EPM2A: variants seen among roughly 807,000 people sequenced by gnomAD.
EPM2A encodes the protein laforin.
Under a neutral mutation model 26.5 loss-of-function variants are expected in EPM2A, and 21 were observed. The ratio of observed to expected loss-of-function variants is 0.79; its 90% confidence interval spans 0.56 to 1.14. The LOEUF (loss-of-function observed/expected upper bound fraction) is 1.14, where lower values mean the gene tolerates loss of function less well. Ranked by LOEUF, EPM2A falls within the 50% of genes most tolerant of loss-of-function variation. The pLI is 0.00. For missense variants in EPM2A, 458 were observed against 440.8 expected, an observed-to-expected ratio of 1.04 and a Z score of -0.35; for synonymous variants, 217 against 177.6, an observed-to-expected ratio of 1.22 and a Z score of -1.76.
chr6:145,523,597 AC>A (rs1373097935), intron 2 of EPM2A, among the ~76,000 whole-genome samples: 1 of 152,180 alleles, frequency 6.6e-6, no homozygotes, highest in African/African-American at 2.4e-5. Context: ...CATAAGACAT[AC>A]ATACATGTGT....
At chr6:145,510,582 G>A (rs1780042088) in intron 2 of EPM2A, among the ~76,000 whole-genome samples, 1 of 152,012 alleles carries the variant, frequency 6.6e-6, no homozygotes, top group African/African-American at 2.4e-5. Context: ...TCTGGGACAC[G>A]ACAAAAACAG....
chr6:145,585,020 C>A (rs1474319030), intron 2 of EPM2A, among the ~76,000 whole-genome samples: 2 of 152,200 alleles, frequency 1.3e-5, no homozygotes, highest in African/African-American at 2.4e-5. Flanking sequence ...CCTTTCAGTA[C>A]ACTAAATATA....
intron 2 of EPM2A, among the ~76,000 whole-genome samples, chr6:145,541,881 A>T (rs1284724942): frequency 6.6e-6 from 1 of 152,160 alleles, no homozygotes; most frequent in Non-Finnish European, 1.5e-5. Context: ...ATAGCAGAAC[A>T]TTATACATTT....
intron 4 of EPM2A, among the ~76,000 whole-genome samples, chr6:145,412,234 T>G (rs1048868329): frequency 7.9e-6 from 1 of 126,960 alleles, no homozygotes; most frequent in Non-Finnish European, 1.7e-5. Flanking sequence ...AAAAAAAAAA[T>G]TCATCTTCAT....
At chr6:145,703,382 C>T (rs1236487194) in intron 1 of EPM2A, among the ~76,000 whole-genome samples, 3 of 152,174 alleles carry the variant, frequency 2.0e-5, no homozygotes, top group Admixed American at 2.0e-4. Context: ...TGAGCCACCA[C>T]ATGTGACCTT....
At chr6:145,638,820 T>C (rs898490712) in intron 2 of EPM2A, 2 of 152,060 alleles carry the variant, frequency 1.3e-5, no homozygotes, top group East Asian at 1.9e-4. Context: ...GTGCATCCTA[T>C]TTCAGTTTGT....
At chr6:145,695,218 T>C (rs545024389) in intron 1 of EPM2A, among the ~76,000 whole-genome samples, 1 of 152,096 alleles carries the variant, frequency 6.6e-6, no homozygotes, top group African/African-American at 2.4e-5. Context: ...GTTAAGTTGG[T>C]AACAGCTTAG....
chr6:145,531,375 C>A (rs1780353434), intron 2 of EPM2A, among the ~76,000 whole-genome samples: 1 of 152,008 alleles, frequency 6.6e-6, no homozygotes, highest in South Asian at 2.1e-4. Context: ...GCTCAAAACA[C>A]AGAAAGGGGG....
intron 4 of EPM2A, among the ~76,000 whole-genome samples, chr6:145,435,390 A>G (rs1175608999): frequency 2.7e-5 from 4 of 147,046 alleles, no homozygotes; most frequent in Non-Finnish European, 5.9e-5. Context: ...CAAATCAATG[A>G]GAGAAAAGAG....
intron 2 of EPM2A, among the ~76,000 whole-genome samples, chr6:145,596,006 G>A (rs1417178245): frequency 1.3e-5 from 2 of 152,076 alleles, no homozygotes; most frequent in Non-Finnish European, 2.9e-5. Flanking sequence ...GTAACAAAAT[G>A]TTAACCCAAA....
chr6:145,717,665 A>G (rs1177868487), intron 1 of EPM2A, among the ~76,000 whole-genome samples: 1 of 151,838 alleles, frequency 6.6e-6, no homozygotes, highest in Non-Finnish European at 1.5e-5. Flanking sequence ...TTAGGAAAAG[A>G]GGAAGTCAAA....
chr6:145,549,399 C>A (rs1398197417), intron 2 of EPM2A, among the ~76,000 whole-genome samples: 1 of 152,034 alleles, frequency 6.6e-6, no homozygotes. Context: ...TTATACAAGG[C>A]ATTTTACTTG....
chr6:145,400,888 A>G lies in EPM2A; in HGVS notation c.556-16791T>C, dbSNP rs1049488323. 1.4e-4 allele frequency among the ~76,000 whole-genome samples: 21 copies of G among 152,222 alleles called. No homozygotes were observed. The East Asian group carries it at 4.1e-3, about 29-fold the overall frequency. On this transcript the variant is annotated intron_variant, in intron 4 of 4. Transcript: ENST00000638717. ...CCCGCCTACAGGTTGTTACACCCCC[A>G]TCTTTAGAAAGAAAGCCCTCCTTTC...
Position 145,654,997 on chromosome 6 carries a change from G to A in EPM2A, c.477-19511C>T, listed in dbSNP as rs542551874. 2.9e-4 allele frequency among the ~76,000 whole-genome samples: 44 copies of A among 151,814 alleles called. 2 individuals are homozygous for A. In the South Asian group the frequency reaches 8.7e-3, roughly 30 times the overall value. On this transcript the variant is annotated intron_variant, in intron 2 of 3. Coordinates refer to ENST00000367519, the MANE Select transcript of EPM2A (RefSeq NM_005670.4). ...AGCTTCTTGAGTGTACATTATTTACGATTGTGAGTGGCTTTTTCACACCCC... is the reference window on the plus strand; with the variant it reads ...AGCTTCTTGAGTGTACATTATTTACAATTGTGAGTGGCTTTTTCACACCCC...
intron 2 of EPM2A, among the ~76,000 whole-genome samples, chr6:145,611,281 T>C (rs1162765494): frequency 6.6e-6 from 1 of 152,096 alleles, no homozygotes; most frequent in Admixed American, 6.6e-5. Context: ...CACTTATTAT[T>C]TTGCATGAAT....
intron 4 of EPM2A, among the ~76,000 whole-genome samples, chr6:145,451,848 C>A (rs1182068475): frequency 6.6e-6 from 1 of 151,046 alleles, no homozygotes; most frequent in Non-Finnish European, 1.5e-5. Flanking sequence ...ACATATAAAA[C>A]ACATATCAGC....
intron 2 of EPM2A, among the ~76,000 whole-genome samples, chr6:145,561,266 T>C (rs915184234): frequency 1.3e-5 from 2 of 151,686 alleles, no homozygotes; most frequent in Admixed American, 1.3e-4. Flanking sequence ...AGCAATACAC[T>C]ACACCATAGA....
intron 4 of EPM2A, among the ~76,000 whole-genome samples, chr6:145,386,866 C>T (rs747503263): frequency 1.3e-5 from 2 of 152,140 alleles, no homozygotes; most frequent in South Asian, 4.1e-4. Flanking sequence ...TTTTCTTAGA[C>T]TCTTTTGGGT....
At chr6:145,623,452 T>G (rs1387330318), downstream of EPM2A, among the ~76,000 whole-genome samples, 2 of 152,096 alleles carry the variant, frequency 1.3e-5, no homozygotes, top group East Asian at 3.9e-4. Flanking sequence ...GCAAGTGCCC[T>G]GAGGCCAGAG....
Sources: allele counts gnomAD v4.1 joint callset (sites outside exome capture counted in the v4.1 genomes callset), GRCh38; gene constraint gnomAD v4.1.1; transcripts MANE v1.5; gene names NCBI Gene and HGNC (gene_info 2026-07-23, HGNC 2026-07-21).